DYNC2H1: variants seen among roughly 807,000 people sequenced by gnomAD.
The protein encoded by DYNC2H1 is cytoplasmic dynein 2 heavy chain 1.
In DYNC2H1, 410 loss-of-function variants were observed where a neutral mutation model predicts 570.0. That is an observed-to-expected ratio of 0.72 (90% confidence interval 0.66 to 0.78). The LOEUF is 0.78. Ranked by LOEUF, DYNC2H1 falls within the 30% of genes least tolerant of loss-of-function variation. The pLI is 0.00. For synonymous variants in DYNC2H1, 1,688 were observed against 1,677.6 expected, an observed-to-expected ratio of 1.01 and a Z score of -0.15; for missense variants, 4,865 against 5,046.4, an observed-to-expected ratio of 0.96 and a Z score of 1.09.
chr11:103,433,989 G>A (rs1265911915), intron 84 of DYNC2H1, among the ~76,000 whole-genome samples: 3 of 152,070 alleles, frequency 2.0e-5, no homozygotes, highest in Non-Finnish European at 2.9e-5. Flanking sequence ...CATGTTTCCC[G>A]TTCCTTTATT....
chr11:103,234,298 C>A, intron 61 of DYNC2H1, 138 bp downstream of exon 61: 1 of 1,015,344 alleles, frequency 9.8e-7, no homozygotes, highest in African/African-American at 1.6e-5. Flanking sequence ...ATATAAATGG[C>A]CATTATGTGA....
intron 87 of DYNC2H1, among the ~76,000 whole-genome samples, chr11:103,459,216 G>A (rs1444649742): frequency 3.1e-4 from 45 of 144,540 alleles, no homozygotes; most frequent in Admixed American, 2.7e-3. Context: ...GGCTGAGGCA[G>A]GAGAATGGCG....
In DYNC2H1 at chr11:103,215,944, G is replaced by T. The variant is rs1038092695; in HGVS notation, c.8832+86G>T. The T allele has an allele frequency of 1.9e-5, 28 of 1,465,876 alleles. No individual in the cohort carries two copies. The Admixed American group carries it at 5.1e-4, about 27-fold the overall frequency. 90.8% of individuals were successfully genotyped at this position (1,465,876 alleles called of 1,614,324 possible). On this transcript the variant is annotated intron_variant, in intron 55 of 88. Coordinates refer to ENST00000375735, the MANE Select transcript of DYNC2H1 (RefSeq NM_001377.3). ...CAGTGAAAAATAACATTTTCACTTA[G>T]GTGGATTTAAAAAATATTGCTTATT... is the stretch of plus-strand genomic sequence containing the variant.
chr11:103,233,439 A>G (rs952508918), intron 60 of DYNC2H1, among the ~76,000 whole-genome samples: 8 of 152,010 alleles, frequency 5.3e-5, no homozygotes, highest in Non-Finnish European at 8.8e-5. Flanking sequence ...TAATTTAAAA[A>G]GAAAATCATA....
chr11:103,159,327 A>G (rs566918218), intron 28 of DYNC2H1, among the ~76,000 whole-genome samples: 2 of 152,142 alleles, frequency 1.3e-5, no homozygotes, highest in Non-Finnish European at 2.9e-5. Flanking sequence ...CGATATCTGA[A>G]GAATGTATAG....
rs374882415 is a variant in DYNC2H1 at position 103,243,794 on chromosome 11, A to G, written c.9918+3A>G. ...GTTTAGAAGTTATCAATCAGCAGGT[A>G]TGTATTATTTATAATTTACATACCA... On this transcript the variant is annotated splice_donor_region_variant and intron_variant, in intron 64 of 88. Transcript: ENST00000375735. This position sits in a 1 kb window ranked among gnomAD's most constrained non-coding sequence, Gnocchi z 4.8. 1.5e-4 allele frequency: 229 copies of G among 1,569,902 alleles called. No homozygotes were observed. The highest frequency in any genetic ancestry group is 1.9e-4 in the Non-Finnish European group (218 of 1,154,138).
At chr11:103,215,680 C>T (rs202053913) in intron 54 of DYNC2H1, 41 bp from the exon 55 acceptor site, 43 of 1,506,872 alleles carry the variant, frequency 2.9e-5, no homozygotes, top group Non-Finnish European at 3.6e-5. Flanking sequence ...GTGTAAAATT[C>T]CTTTTTTAAA....
At chr11:103,162,714 G>C (rs1861147663) in intron 29 of DYNC2H1, among the ~76,000 whole-genome samples, 2 of 152,044 alleles carry the variant, frequency 1.3e-5, no homozygotes, top group Admixed American at 1.3e-4. Flanking sequence ...ACTTTTAAAT[G>C]CTCATATTAT....
At chr11:103,255,578 T>A in intron 67 of DYNC2H1, 44 bp downstream of exon 67, 3 of 1,493,972 alleles carry the variant, frequency 2.0e-6, no homozygotes, top group Non-Finnish European at 2.7e-6. Flanking sequence ...TATTACTTTT[T>A]TTTTAATGAA....
chr11:103,233,919 T>G, intron 60 of DYNC2H1, 115 bp from the exon 61 acceptor site: 1 of 892,428 alleles, frequency 1.1e-6, no homozygotes. Context: ...ATGCAAACAT[T>G]AATAGTATTA....
intron 82 of DYNC2H1, among the ~76,000 whole-genome samples, chr11:103,341,333 C>G (rs577636272): frequency 2.6e-5 from 4 of 152,152 alleles, no homozygotes; most frequent in Admixed American, 6.5e-5. Context: ...TTCTTCCCCC[C>G]CTTTTAAAAT....
intron 73 of DYNC2H1, among the ~76,000 whole-genome samples, 196 bp from the exon 74 acceptor site, chr11:103,286,059 T>C (rs540125054): frequency 3.6e-4 from 55 of 152,340 alleles, no homozygotes; most frequent in Non-Finnish European, 5.9e-4. Flanking sequence ...TGGAAGTGTA[T>C]TTTAATTCTG....
In DYNC2H1 at chr11:103,252,219, G is replaced by A. The variant is rs1864862400; in HGVS notation, c.10043-1066G>A. ...CAAAATGATGCGATTACAGGCATAA[G>A]CAGCCGTGCCTGACCCACATTTTCT... On this transcript the variant is annotated intron_variant, in intron 65 of 88. Coordinates refer to ENST00000375735, the MANE Select transcript of DYNC2H1 (RefSeq NM_001377.3). This position sits in a 1 kb window ranked among gnomAD's most constrained non-coding sequence, Gnocchi z 4.6. Among the ~76,000 whole-genome samples, 5 of 151,908 alleles carry A rather than the reference G, an allele frequency of 3.3e-5. No homozygotes were observed. The South Asian group carries it at 8.3e-4, about 25-fold the overall frequency.
chr11:103,471,054 T>C (rs1945370413), intron 88 of DYNC2H1, among the ~76,000 whole-genome samples: 1 of 152,164 alleles, frequency 6.6e-6, no homozygotes, highest in African/African-American at 2.4e-5. Flanking sequence ...CATTCCTATT[T>C]CTCCACATCC....
At chr11:103,263,090 G>A (rs1865375290) in intron 70 of DYNC2H1, among the ~76,000 whole-genome samples, 1 of 141,404 alleles carries the variant, frequency 7.1e-6, no homozygotes, top group East Asian at 2.2e-4. Context: ...GACTTTAAAT[G>A]AACAAAGATC....
intron 88 of DYNC2H1, among the ~76,000 whole-genome samples, chr11:103,477,099 G>A (rs749985964): frequency 4.6e-5 from 7 of 152,020 alleles, no homozygotes; most frequent in East Asian, 3.8e-4. Context: ...ACTGATGTTC[G>A]GAGAGTAACC....
chr11:103,339,256 A>G (rs313426), intron 82 of DYNC2H1, among the ~76,000 whole-genome samples: 101,574 of 151,946 alleles, frequency 0.67, 34,015 homozygotes, highest in Admixed American at 0.73. Context: ...AGTTGACTGC[A>G]TTAGAACACC....
chr11:103,139,458 C>T lies in DYNC2H1; in HGVS notation c.2574+3510C>T, dbSNP rs931707419. ...CAAAGAACATCTTTATTTCTGCCTT[C>T]ATTTCGTTATGTACCCCAGTAGTCA... is the stretch of plus-strand genomic sequence containing the variant. On this transcript the variant is annotated intron_variant, in intron 17 of 88. Coordinates refer to ENST00000375735, the MANE Select transcript of DYNC2H1 (RefSeq NM_001377.3). Among the ~76,000 whole-genome samples, 101 of 152,086 alleles carry T rather than the reference C, an allele frequency of 6.6e-4. 2 individuals are homozygous for T. Among genetic ancestry groups the T allele is most frequent in the South Asian group, 8.3e-4 (4 of 4,828 alleles).
intron 83 of DYNC2H1, among the ~76,000 whole-genome samples, chr11:103,385,531 C>T (rs1445910497): frequency 1.3e-5 from 2 of 152,054 alleles, no homozygotes; most frequent in African/African-American, 4.8e-5. Flanking sequence ...TAGCCATTGC[C>T]TAGTTTATTG....
Sources: allele counts gnomAD v4.1 joint callset (sites outside exome capture counted in the v4.1 genomes callset), GRCh38; gene constraint gnomAD v4.1.1; non-coding constraint Gnocchi (gnomAD v3.1); transcripts MANE v1.5; gene names NCBI Gene and HGNC (gene_info 2026-07-23, HGNC 2026-07-21).